The following PLXNA4 variants were observed in gnomAD, a reference collection of about 807,000 sequenced individuals.
The protein encoded by PLXNA4 is plexin-A4.
A neutral mutation model predicts 191.8 loss-of-function variants in PLXNA4; 44 were observed. The observed-to-expected ratio is 0.23, with a 90% CI of 0.18 to 0.29. The LOEUF (loss-of-function observed/expected upper bound fraction) is 0.29. Among genes scored for constraint, PLXNA4 ranks in the 10% least tolerant of loss-of-function variants. The pLI, the probability that PLXNA4 is intolerant of heterozygous loss-of-function variation, is 1.00. For synonymous variants in PLXNA4, 1,082 were observed against 1,009.5 expected (o/e 1.07, Z -1.36); for missense variants, 1,800 against 2,488.8 (o/e 0.72, Z 5.89).
At position 132,226,232 on chromosome 7, in the gene PLXNA4, G is replaced by A. The variant is rs1562977794; in HGVS notation, c.1911C>T (p.Leu637=). The change falls in exon 8 of 32, where the codon CTC becomes CTT. Residue 637 remains leucine, a synonymous_variant. Coordinates refer to ENST00000321063, the MANE Select transcript of PLXNA4 (RefSeq NM_020911.2). ...NGDHHVVQLQ[L]KSKETGMTFA... ...AGGTCATGCCGGTCTCCTTTGATTTGAGCTGAAGCTGTACGACATGGTGGT... is the reference window on the plus strand; with the variant it reads ...AGGTCATGCCGGTCTCCTTTGATTTAAGCTGAAGCTGTACGACATGGTGGT... The A allele has an allele frequency of 3.1e-6, 5 of 1,613,770 alleles. No homozygotes were observed. The highest frequency in any genetic ancestry group is 1.7e-5 in the Admixed American group (1 of 60,024).
intron 3 of PLXNA4, among the ~76,000 whole-genome samples, chr7:132,446,106 G>A (rs531878744): frequency 6.6e-6 from 1 of 152,150 alleles, no homozygotes; most frequent in African/African-American, 2.4e-5. Context: ...TTGAGCACAA[G>A]AGGTAGACTG....
chr7:132,618,807 C>T (rs1002852939), intron 2 of PLXNA4, among the ~76,000 whole-genome samples: 1 of 152,144 alleles, frequency 6.6e-6, no homozygotes, highest in Non-Finnish European at 1.5e-5. Flanking sequence ...ATATCATATA[C>T]ATGAAATATA....
intron 3 of PLXNA4, among the ~76,000 whole-genome samples, chr7:132,456,464 C>G (rs1585161727): frequency 6.6e-6 from 1 of 152,138 alleles, no homozygotes; most frequent in Admixed American, 6.5e-5. Flanking sequence ...CCATCTCAAC[C>G]AATTTCCTAG....
intron 1 of PLXNA4, among the ~76,000 whole-genome samples, chr7:132,523,437 T>G (rs762907821): frequency 1.3e-5 from 2 of 151,902 alleles, no homozygotes; most frequent in Admixed American, 1.3e-4. Context: ...GAAATGTAAA[T>G]GCAAAGACAC....
intron 3 of PLXNA4, among the ~76,000 whole-genome samples, chr7:132,445,431 T>C (rs1446954799): frequency 2.0e-5 from 3 of 151,422 alleles, no homozygotes; most frequent in Non-Finnish European, 4.4e-5. Context: ...CCATCATCAG[T>C]GCCCCTGTGG....
At position 132,568,910 on chromosome 7, in the gene PLXNA4, T is replaced by A. The variant is rs140791896; in HGVS notation, c.-87+7512A>T. On this transcript the variant is annotated intron_variant, in intron 1 of 31. Coordinates refer to ENST00000321063, the MANE Select transcript of PLXNA4 (RefSeq NM_020911.2). The stretch of plus-strand genomic sequence containing the variant: ...TTCTGCTGTTCCTCTGGCCCTAAAG[T>A]TCTTGCTGTCTTTTCTTCCTTCAGA... Among the ~76,000 whole-genome samples, 693 of 152,282 alleles carry A rather than the reference T, an allele frequency of 4.6e-3. 5 individuals carry two copies. Among genetic ancestry groups the A allele is most frequent in the African/African-American group, 0.016 (670 of 41,546 alleles).
chr7:132,324,778 A>G (rs1408189905), intron 3 of PLXNA4, among the ~76,000 whole-genome samples: 1 of 152,216 alleles, frequency 6.6e-6, no homozygotes, highest in African/African-American at 2.4e-5. Flanking sequence ...AGTTTAGCCT[A>G]GAAGGATTCT....
intron 3 of PLXNA4, among the ~76,000 whole-genome samples, chr7:132,451,084 A>T (rs543558297): frequency 1.3e-5 from 2 of 152,336 alleles, no homozygotes; most frequent in Non-Finnish European, 1.5e-5. Context: ...TTTTGTGAAA[A>T]TGGCACTTGA....
rs374087679 is a variant in PLXNA4 at position 132,220,144 on chromosome 7, G to C, written c.2097+3383C>G. On this transcript the variant is annotated intron_variant, in intron 9 of 31. Transcript: ENST00000321063. ...TAAAAAAATCCTCATATTTACACTA[G>C]CAGCCAGGAACTGTCTTTTGAGTTC... Among the ~76,000 whole-genome samples the C allele has an allele frequency of 5.9e-5, 9 of 152,308 alleles. No individual in the cohort carries two copies. The South Asian group carries it at 1.9e-3, about 32-fold the overall frequency.
At chr7:132,242,391 T>C (rs1798911642) in intron 4 of PLXNA4, among the ~76,000 whole-genome samples, 2 of 152,186 alleles carry the variant, frequency 1.3e-5, no homozygotes, top group Admixed American at 6.5e-5. Flanking sequence ...ATGGGGCATG[T>C]GCCTCTGTAA....
intron 1 of PLXNA4, among the ~76,000 whole-genome samples, chr7:132,529,977 A>G (rs1268003272): frequency 6.6e-6 from 1 of 152,152 alleles, no homozygotes; most frequent in East Asian, 1.9e-4. Flanking sequence ...TCACGTGCAG[A>G]TGAGGAAGCA....
intron 24 of PLXNA4, among the ~76,000 whole-genome samples, chr7:132,163,298 AAGCACT>A (rs1346009774): frequency 2.6e-5 from 4 of 152,210 alleles, no homozygotes; most frequent in African/African-American, 7.2e-5. Flanking sequence ...CTGCGTGACC[AAGCACT>A]AGTGCATGAG....
At chr7:132,438,219 T>C (rs1034203038) in intron 3 of PLXNA4, among the ~76,000 whole-genome samples, 1 of 152,212 alleles carries the variant, frequency 6.6e-6, no homozygotes, top group Non-Finnish European at 1.5e-5. Flanking sequence ...AAATACCAGC[T>C]TTAGAGTATA....
rs1243201665 is a variant in PLXNA4, at chr7:132,151,588, GAAA to G, written c.4661-2945_4661-2943del. 3.3e-4 allele frequency among the ~76,000 whole-genome samples: 23 copies of G among 70,104 alleles called. 7 individuals carry two copies. The highest frequency in any genetic ancestry group is 7.2e-4 in the Non-Finnish European group (15 of 20,700). 46.0% of individuals were successfully genotyped at this position (70,104 alleles called of 152,430 possible). A position where few individuals can be genotyped will look rare whatever the true frequency, so the allele number is the denominator to read the frequency against. On this transcript the variant is annotated intron_variant, in intron 25 of 31. Coordinates refer to ENST00000321063, the MANE Select transcript of PLXNA4 (RefSeq NM_020911.2). ...GGAGGAGGAGGAGAAAGGAGGAGGA[GAAA>G]GGAGGAGAGGGAGAGGGAGGGGGAG...
At chr7:132,620,677 C>T (rs1010983106) in intron 2 of PLXNA4, among the ~76,000 whole-genome samples, 4 of 152,172 alleles carry the variant, frequency 2.6e-5, no homozygotes, top group Non-Finnish European at 5.9e-5. Context: ...ATTATTATTT[C>T]TATAAATGAT....
intron 3 of PLXNA4, among the ~76,000 whole-genome samples, chr7:132,299,113 C>A (rs1366128306): frequency 6.6e-6 from 1 of 152,194 alleles, no homozygotes; most frequent in Non-Finnish European, 1.5e-5. Flanking sequence ...AACATGACCG[C>A]TGCGCAGTCA....
At chr7:132,292,470 T>C (rs972930087) in intron 4 of PLXNA4, among the ~76,000 whole-genome samples, 1 of 152,176 alleles carries the variant, frequency 6.6e-6, no homozygotes, top group Non-Finnish European at 1.5e-5. Context: ...ATCTGGTTCT[T>C]AATAAAACTC....
intron 29 of PLXNA4, among the ~76,000 whole-genome samples, chr7:132,143,677 G>C (rs1210574399): frequency 6.6e-6 from 1 of 152,198 alleles, no homozygotes; most frequent in African/African-American, 2.4e-5. Context: ...ACGCCACAAA[G>C]TCTAGAAGAG....
chr7:132,400,219 TA>T (rs1283633571), intron 3 of PLXNA4, among the ~76,000 whole-genome samples: 1 of 152,124 alleles, frequency 6.6e-6, no homozygotes, highest in Non-Finnish European at 1.5e-5. Flanking sequence ...ACGTGTTTCT[TA>T]AAAAAAGGAA....
Sources: allele counts gnomAD v4.1 joint callset (sites outside exome capture counted in the v4.1 genomes callset), GRCh38; gene constraint gnomAD v4.1.1; transcripts MANE v1.5; gene names NCBI Gene and HGNC (gene_info 2026-07-23, HGNC 2026-07-21).